The following SH3RF2 variants were observed in gnomAD, a reference collection of about 807,000 sequenced individuals.
SH3RF2 encodes the protein E3 ubiquitin-protein ligase SH3RF2.
In SH3RF2, 43 loss-of-function variants were observed where a neutral mutation model predicts 59.0. That is an observed-to-expected ratio of 0.73 (90% CI 0.57 to 0.94). SH3RF2 has a LOEUF of 0.94. Ranked by LOEUF, SH3RF2 falls within the 40% of genes least tolerant of loss-of-function variation. SH3RF2 has a pLI of 0.00. For synonymous variants in SH3RF2, 391 were observed against 391.5 expected (o/e 1.00, Z 0.01); for missense variants, 930 against 940.1 (o/e 0.99, Z 0.14).
intron 9 of SH3RF2, among the ~76,000 whole-genome samples, chr5:146,072,354 G>A (rs545151579): frequency 1.2e-4 from 18 of 152,284 alleles, no homozygotes; most frequent in Non-Finnish European, 2.2e-4. Context: ...AAAGCAGGAT[G>A]AGCAAGAAGA....
chr5:146,006,327 A>C (rs531291102), intron 4 of SH3RF2, among the ~76,000 whole-genome samples: 3 of 152,262 alleles, frequency 2.0e-5, no homozygotes, highest in East Asian at 3.9e-4. Flanking sequence ...AGGCTGAGGC[A>C]GGAGAATGAT....
chr5:145,942,396 G>T (rs762549797), intron 2 of SH3RF2, among the ~76,000 whole-genome samples: 1 of 152,120 alleles, frequency 6.6e-6, no homozygotes, highest in Non-Finnish European at 1.5e-5. Flanking sequence ...GAACACACCT[G>T]CCACCTCCAG....
intron 2 of SH3RF2, among the ~76,000 whole-genome samples, chr5:145,978,584 C>G (rs529230090): frequency 6.6e-6 from 1 of 151,606 alleles, no homozygotes; most frequent in East Asian, 1.9e-4. Context: ...TAAACATTTT[C>G]TGATTGAGAA....
intron 7 of SH3RF2, 52 bp downstream of exon 7, chr5:146,049,297 G>C (rs1561763309): frequency 6.5e-7 from 1 of 1,547,986 alleles, no homozygotes; most frequent in African/African-American, 1.4e-5. Flanking sequence ...CCTAGGCCAG[G>C]GGCCATCTGT....
At chr5:146,046,214 T>C (rs938691058) in intron 5 of SH3RF2, among the ~76,000 whole-genome samples, 1 of 152,164 alleles carries the variant, frequency 6.6e-6, no homozygotes, top group Non-Finnish European at 1.5e-5. Context: ...TCAGCACATA[T>C]AGCATACACA....
At chr5:145,962,018 A>T (rs943498893) in intron 2 of SH3RF2, among the ~76,000 whole-genome samples, 5 of 152,224 alleles carry the variant, frequency 3.3e-5, no homozygotes, top group Non-Finnish European at 5.9e-5. Flanking sequence ...ATATACTGAC[A>T]GCCAAAGCCT....
chr5:145,959,964 C>A (rs1267714457), intron 2 of SH3RF2, among the ~76,000 whole-genome samples: 2 of 152,130 alleles, frequency 1.3e-5, no homozygotes, highest in Non-Finnish European at 2.9e-5. Flanking sequence ...TTAACAAAAC[C>A]TAGATCCCTG....
chr5:146,026,888 T>C (rs1761547943), intron 5 of SH3RF2, among the ~76,000 whole-genome samples: 1 of 152,190 alleles, frequency 6.6e-6, no homozygotes, highest in Middle Eastern at 3.2e-3. Flanking sequence ...AACAAGGCAA[T>C]GCTTATACAT....
intron 9 of SH3RF2, among the ~76,000 whole-genome samples, chr5:146,072,340 C>T (rs1763255645): frequency 6.6e-6 from 1 of 152,116 alleles, no homozygotes; most frequent in South Asian, 2.1e-4. Flanking sequence ...ATGACATGGG[C>T]TTGAAAGCAG....
intron 5 of SH3RF2, among the ~76,000 whole-genome samples, chr5:146,030,209 T>A (rs542511469): frequency 1.3e-5 from 2 of 152,202 alleles, no homozygotes; most frequent in Non-Finnish European, 2.9e-5. Context: ...GAGCCAGTAC[T>A]GATGAGAGAA....
At chr5:146,051,022 G>A (rs1484058095) in intron 7 of SH3RF2, among the ~76,000 whole-genome samples, 1 of 152,178 alleles carries the variant, frequency 6.6e-6, no homozygotes, top group South Asian at 2.1e-4. Flanking sequence ...ATCACCTGAG[G>A]TCAGGAGTTT....
intron 2 of SH3RF2, among the ~76,000 whole-genome samples, chr5:145,953,735 G>A (rs898091430): frequency 1.3e-5 from 2 of 152,066 alleles, no homozygotes; most frequent in African/African-American, 4.8e-5. Flanking sequence ...GTAGACCCCA[G>A]TGTCTTTTGT....
chr5:146,047,955 A>T (rs1165853636), intron 6 of SH3RF2, 92 bp downstream of exon 6: 1 of 1,228,660 alleles, frequency 8.1e-7, no homozygotes, highest in African/African-American at 1.5e-5. Context: ...CCATTCCCAA[A>T]ACATCCCATC....
At chr5:146,021,283 T>C (rs1212125244) in intron 5 of SH3RF2, among the ~76,000 whole-genome samples, 1 of 152,238 alleles carries the variant, frequency 6.6e-6, no homozygotes, top group African/African-American at 2.4e-5. Context: ...TAATCTTCCT[T>C]CTTGAGGTAA....
chr5:146,049,674 G>C (rs773226366), intron 7 of SH3RF2, among the ~76,000 whole-genome samples: 1 of 152,020 alleles, frequency 6.6e-6, no homozygotes, highest in Non-Finnish European at 1.5e-5. Context: ...AGCACCTCGG[G>C]AAACTTCTCA....
chr5:146,012,790 G>A (rs896777963), intron 4 of SH3RF2, among the ~76,000 whole-genome samples: 1 of 152,058 alleles, frequency 6.6e-6, no homozygotes. Flanking sequence ...ATGACATATT[G>A]CTTGTGAGAA....
chr5:146,034,370 G>A (rs932023253), intron 5 of SH3RF2, among the ~76,000 whole-genome samples: 2 of 152,176 alleles, frequency 1.3e-5, no homozygotes, highest in Non-Finnish European at 2.9e-5. Flanking sequence ...GGACCTCGGG[G>A]CAGGGATGGT....
intron 2 of SH3RF2, among the ~76,000 whole-genome samples, chr5:145,979,833 T>C (rs1025692570): frequency 6.6e-6 from 1 of 152,190 alleles, no homozygotes; most frequent in South Asian, 2.1e-4. Context: ...AGGCACTTAC[T>C]ATGCATTATT....
intron 9 of SH3RF2, among the ~76,000 whole-genome samples, chr5:146,074,164 C>G (rs1222684725): frequency 1.3e-5 from 2 of 151,716 alleles, no homozygotes; most frequent in Non-Finnish European, 2.9e-5. Flanking sequence ...CTCAGCCTCC[C>G]GAGTAGCTGG....
Sources: allele counts gnomAD v4.1 joint callset (sites outside exome capture counted in the v4.1 genomes callset), GRCh38; gene constraint gnomAD v4.1.1; transcripts MANE v1.5; gene names NCBI Gene and HGNC (gene_info 2026-07-23, HGNC 2026-07-21).